The following NDFIP2 variants were observed in gnomAD, a reference collection of about 807,000 sequenced individuals.
NDFIP2 encodes NEDD4 family-interacting protein 2.
Under a neutral mutation model 36.0 loss-of-function variants are expected in NDFIP2, and 19 were observed. The observed-to-expected ratio is 0.53, with a 90% CI of 0.37 to 0.77. NDFIP2 has a LOEUF of 0.77. Ranked by LOEUF, NDFIP2 falls within the 30% of genes least tolerant of loss-of-function variation. The pLI, the probability that NDFIP2 is intolerant of heterozygous loss-of-function variation, is 0.00. For missense variants in NDFIP2, 446 were observed against 435.8 expected (o/e 1.02, Z -0.21); for synonymous variants, 181 against 167.7 (o/e 1.08, Z -0.61).
At chr13:79,543,978 T>C (rs911057174) in intron 5 of NDFIP2, among the ~76,000 whole-genome samples, 12 of 152,200 alleles carry the variant, frequency 7.9e-5, no homozygotes, top group Non-Finnish European at 1.5e-4. Context: ...TTAGTTTCTT[T>C]ATAATAGGCT....
At chr13:79,514,936 C>T (rs1250156942) in intron 1 of NDFIP2, among the ~76,000 whole-genome samples, 1 of 152,172 alleles carries the variant, frequency 6.6e-6, no homozygotes, top group African/African-American at 2.4e-5. Flanking sequence ...GATTGGAGCT[C>T]ATGGTGCTCT....
intron 1 of NDFIP2, among the ~76,000 whole-genome samples, chr13:79,504,754 T>C (rs1873795131): frequency 6.6e-6 from 1 of 152,200 alleles, no homozygotes; most frequent in Non-Finnish European, 1.5e-5. Flanking sequence ...GGTTCTTGCC[T>C]TAAATAGTTA....
intron 1 of NDFIP2, among the ~76,000 whole-genome samples, chr13:79,510,998 CAA>C (rs11425903): frequency 1.4e-4 from 13 of 95,324 alleles, no homozygotes; most frequent in African/African-American, 2.7e-4. Flanking sequence ...GACTCTGTCT[CAA>C]AAAAAAAAAA....
intron 2 of NDFIP2, among the ~76,000 whole-genome samples, chr13:79,524,983 G>A (rs2783119): frequency 0.3 from 46,043 of 152,100 alleles, 8,592 homozygotes; most frequent in Non-Finnish European, 0.42. Context: ...AAGCTTGTTT[G>A]GATGGTATCC....
chr13:79,520,242 T>G (rs950903474), intron 1 of NDFIP2, among the ~76,000 whole-genome samples: 1 of 152,230 alleles, frequency 6.6e-6, no homozygotes, highest in Non-Finnish European at 1.5e-5. Context: ...TTCAGGAGGC[T>G]CATAAGTAGG....
chr13:79,527,935 C>T (rs900513596), intron 2 of NDFIP2, among the ~76,000 whole-genome samples: 4 of 151,982 alleles, frequency 2.6e-5, no homozygotes, highest in African/African-American at 7.3e-5. Context: ...CCTTTGTAGG[C>T]CTAAGCTAGT....
intron 1 of NDFIP2, among the ~76,000 whole-genome samples, chr13:79,483,459 T>C (rs1193908135): frequency 1.3e-5 from 2 of 152,192 alleles, no homozygotes; most frequent in Non-Finnish European, 2.9e-5. Context: ...CAGCTCTGGC[T>C]TATATGATGA....
intron 4 of NDFIP2, among the ~76,000 whole-genome samples, chr13:79,540,712 T>TA: frequency 1.3e-5 from 2 of 152,208 alleles, no homozygotes; most frequent in Non-Finnish European, 2.9e-5. Flanking sequence ...AAAGTCCATG[T>TA]AAACCCTGTC....
At chr13:79,483,185 A>T (rs2079825741) in intron 1 of NDFIP2, among the ~76,000 whole-genome samples, 1 of 152,112 alleles carries the variant, frequency 6.6e-6, no homozygotes, top group Admixed American at 6.5e-5. Context: ...GGCAAAAATC[A>T]GTTCTTCTAA....
intron 7 of NDFIP2, 116 bp from the exon 8 acceptor site, chr13:79,552,400 A>G (rs776078745): frequency 2.6e-5 from 4 of 151,638 alleles, no homozygotes; most frequent in Non-Finnish European, 5.9e-5. Flanking sequence ...GTAGACTTTA[A>G]TGAAGAGAAT....
chr13:79,524,466 A>G (rs1449122890), intron 2 of NDFIP2, among the ~76,000 whole-genome samples: 2 of 152,174 alleles, frequency 1.3e-5, no homozygotes, highest in African/African-American at 4.8e-5. Context: ...TGCTGATCAA[A>G]TGTGATTAAA....
At chr13:79,534,707 C>T (rs1875165030) in intron 3 of NDFIP2, among the ~76,000 whole-genome samples, 1 of 151,998 alleles carries the variant, frequency 6.6e-6, no homozygotes, top group African/African-American at 2.4e-5. Flanking sequence ...AATCAATTCA[C>T]CCAGGAAAGC....
At chr13:79,486,245 A>C (rs906662507) in intron 1 of NDFIP2, among the ~76,000 whole-genome samples, 2 of 152,306 alleles carry the variant, frequency 1.3e-5, no homozygotes, top group East Asian at 3.9e-4. Flanking sequence ...TCTTTTGCTC[A>C]AAAACCTTCA....
At chr13:79,545,634 A>T (rs754457024) in intron 5 of NDFIP2, among the ~76,000 whole-genome samples, 2 of 152,200 alleles carry the variant, frequency 1.3e-5, no homozygotes, top group East Asian at 3.9e-4. Context: ...CAAGCAACGA[A>T]TTTTCAAACT....
chr13:79,547,153 A>G (rs1330131750), intron 5 of NDFIP2, among the ~76,000 whole-genome samples: 2 of 152,114 alleles, frequency 1.3e-5, no homozygotes, highest in Admixed American at 6.5e-5. Context: ...AATACTTAAA[A>G]GGCTATAAAA....
chr13:79,497,301 C>G (rs1873469105), intron 1 of NDFIP2, among the ~76,000 whole-genome samples: 1 of 151,934 alleles, frequency 6.6e-6, no homozygotes, highest in African/African-American at 2.4e-5. Context: ...ATGGTTTCCC[C>G]TTACTTTCTA....
intron 1 of NDFIP2, among the ~76,000 whole-genome samples, chr13:79,496,307 A>G (rs150680811): frequency 9.4e-4 from 143 of 152,032 alleles, no homozygotes; most frequent in African/African-American, 3.4e-3. Flanking sequence ...GTGTCTAGAT[A>G]TATATCTTAG....
rs1358098475 is a variant in NDFIP2, at chr13:79,481,350, T to G, written c.147T>G (p.Leu49=). 16 of 1,549,936 alleles carry G rather than the reference T, an allele frequency of 1.0e-5. No individual in the cohort carries two copies. Among genetic ancestry groups the G allele is most frequent in the Non-Finnish European group, 1.3e-5 (15 of 1,147,732 alleles). ...AAAGATGSEE[L]PPGDRGCRNG... Reference sequence around the variant, plus strand: ...CGGGAGCCACAGGAAGTGAAGAGCTTCCGCCGGGAGACCGCGGCTGCAGGA... The same window carrying G: ...CGGGAGCCACAGGAAGTGAAGAGCTGCCGCCGGGAGACCGCGGCTGCAGGA... The change falls in exon 1 of 8, where the codon CTT becomes CTG. Residue 49 remains leucine, a synonymous_variant. Coordinates refer to ENST00000218652, the MANE Select transcript of NDFIP2 (RefSeq NM_019080.3).
chr13:79,503,291 T>A (rs1873736670), intron 1 of NDFIP2, among the ~76,000 whole-genome samples: 1 of 152,104 alleles, frequency 6.6e-6, no homozygotes, highest in Non-Finnish European at 1.5e-5. Flanking sequence ...ACCTACATAG[T>A]CACGTGATTT....
Sources: allele counts gnomAD v4.1 joint callset (sites outside exome capture counted in the v4.1 genomes callset), GRCh38; gene constraint gnomAD v4.1.1; transcripts MANE v1.5; gene names NCBI Gene and HGNC (gene_info 2026-07-23, HGNC 2026-07-21).